Variants in IGF2BP2 observed in about 807,000 individuals in gnomAD.
IGF2BP2 encodes insulin-like growth factor 2 mRNA-binding protein 2.
IGF2BP2 carries 17 observed loss-of-function variants against 75.8 expected under a neutral mutation model. The observed-to-expected ratio is 0.22, with a 90% CI of 0.15 to 0.34. The LOEUF (loss-of-function observed/expected upper bound fraction) is 0.34. IGF2BP2 is among the 10% of genes least tolerant of loss of function. The pLI, the probability that IGF2BP2 is intolerant of heterozygous loss-of-function variation, is 1.00. For synonymous variants in IGF2BP2, 288 were observed against 295.6 expected (o/e 0.97, Z 0.26); for missense variants, 516 against 772.4 (o/e 0.67, Z 3.93).
At chr3:185,655,470 T>G (rs1715281609) in intron 12 of IGF2BP2, among the ~76,000 whole-genome samples, 1 of 152,184 alleles carries the variant, frequency 6.6e-6, no homozygotes, top group Non-Finnish European at 1.5e-5. Flanking sequence ...TCACAAATAT[T>G]TGGCCTCCCT....
intron 2 of IGF2BP2, among the ~76,000 whole-genome samples, chr3:185,763,345 T>C (rs1732631304): frequency 6.6e-6 from 1 of 152,240 alleles, no homozygotes; most frequent in Admixed American, 6.5e-5. Context: ...CCTACCTTAG[T>C]AGGTCCCTGG....
At chr3:185,811,488 A>T (rs145004431) in intron 2 of IGF2BP2, among the ~76,000 whole-genome samples, 6 of 152,234 alleles carry the variant, frequency 3.9e-5, no homozygotes, top group Non-Finnish European at 7.3e-5. Flanking sequence ...TTCAGTGTCC[A>T]TAAAAAATTT....
intron 2 of IGF2BP2, among the ~76,000 whole-genome samples, chr3:185,701,573 A>G (rs1316540782): frequency 1.3e-5 from 2 of 152,202 alleles, no homozygotes; most frequent in African/African-American, 2.4e-5. Flanking sequence ...ACTCCGCCCA[A>G]TGCTGATTAC....
chr3:185,757,924 A>G (rs566552547), intron 2 of IGF2BP2, among the ~76,000 whole-genome samples: 25 of 152,234 alleles, frequency 1.6e-4, no homozygotes, highest in Non-Finnish European at 3.5e-4. Flanking sequence ...GACAACAGCT[A>G]TTTATATAGC....
intron 13 of IGF2BP2, 21 bp from the exon 14 acceptor site, chr3:185,649,555 T>C: frequency 6.2e-7 from 1 of 1,613,672 alleles, no homozygotes; most frequent in African/African-American, 1.3e-5. Context: ...AAGACATGAC[T>C]AATGACTCTC....
intron 10 of IGF2BP2, among the ~76,000 whole-genome samples, chr3:185,659,577 T>C (rs1473219073): frequency 6.6e-6 from 1 of 151,964 alleles, no homozygotes; most frequent in Non-Finnish European, 1.5e-5. Context: ...GGTTTCACCA[T>C]GTTGGCCAGG....
At chr3:185,666,759 T>G (rs1717703115) in intron 10 of IGF2BP2, among the ~76,000 whole-genome samples, 1 of 152,066 alleles carries the variant, frequency 6.6e-6, no homozygotes, top group African/African-American at 2.4e-5. Flanking sequence ...AAAGAAAAAT[T>G]AAGTGGAAAA....
At chr3:185,716,612 C>G in intron 2 of IGF2BP2, 2 of 519,934 alleles carry the variant, frequency 3.8e-6, no homozygotes, top group Non-Finnish European at 7.7e-6. Context: ...TACTTTTCTT[C>G]GGGGGCAGGT....
rs997130552 is a variant in IGF2BP2 at position 185,696,682 on chromosome 3, A to G, written c.289-19T>C. On this transcript the variant is annotated intron_variant, in intron 3 of 15. Coordinates refer to ENST00000382199, the MANE Select transcript of IGF2BP2 (RefSeq NM_006548.6). ...CCAACACCTAAAAGAGAAAGCTTCC[A>G]TGTCAGAATGGGAAGGCAAGATCAT... The G allele has an allele frequency of 6.2e-7, 1 of 1,610,432 alleles. No individual in the cohort carries two copies. Among genetic ancestry groups the G allele is most frequent in the Non-Finnish European group, 8.5e-7 (1 of 1,176,750 alleles).
chr3:185,779,692 G>A (rs1734959194), intron 2 of IGF2BP2, among the ~76,000 whole-genome samples: 2 of 152,072 alleles, frequency 1.3e-5, no homozygotes, highest in African/African-American at 2.4e-5. Context: ...CAGGTAATGA[G>A]TCTGCACGCT....
In IGF2BP2 at chr3:185,807,642, C is replaced by A. The variant is rs1410309496; in HGVS notation, c.239+15511G>T. On this transcript the variant is annotated intron_variant, in intron 2 of 15. Transcript: ENST00000382199. ...TTCAACTTATTGAGTAATCCTTTCC[C>A]ATAGAGTATGGGCTGGACTTCATGT... Among the ~76,000 whole-genome samples, 3 of 152,206 alleles carry A rather than the reference C, an allele frequency of 2.0e-5. No individual in the cohort carries two copies. In the East Asian group the frequency reaches 5.8e-4, roughly 29 times the overall value.
At chr3:185,805,280 T>A (rs1211070227) in intron 2 of IGF2BP2, among the ~76,000 whole-genome samples, 6 of 152,062 alleles carry the variant, frequency 3.9e-5, no homozygotes, top group African/African-American at 1.4e-4. Context: ...CAGAGGAGTG[T>A]GGTGCTAACT....
intron 2 of IGF2BP2, among the ~76,000 whole-genome samples, chr3:185,762,292 CCAAGA>C (rs1028553431): frequency 6.7e-6 from 1 of 150,072 alleles, no homozygotes; most frequent in Non-Finnish European, 1.5e-5. Flanking sequence ...CTTCCGGAGG[CCAAGA>C]CAAGTGGATC....
Position 185,647,024 on chromosome 3 carries a change from C to A in IGF2BP2, c.1707+1G>T. ...GAGACAGGGCCCTCACAGCACAGTA[C>A]CTGGCTAGCAAAGAAGTGCCCGATA... On this transcript the variant is annotated splice_donor_variant, in intron 15 of 15. Coordinates refer to ENST00000382199, the MANE Select transcript of IGF2BP2 (RefSeq NM_006548.6). LOFTEE classifies it high-confidence loss of function. This position sits in a 1 kb window ranked among gnomAD's most constrained non-coding sequence, Gnocchi z 4.9. 1 of 1,609,310 alleles carries A rather than the reference C, an allele frequency of 6.2e-7. No homozygotes were observed. The highest frequency in any genetic ancestry group is 8.5e-7 in the Non-Finnish European group (1 of 1,175,690).
intron 2 of IGF2BP2, among the ~76,000 whole-genome samples, chr3:185,781,849 A>G (rs572272023): frequency 3.9e-5 from 6 of 152,120 alleles, no homozygotes; most frequent in Admixed American, 6.6e-5. Flanking sequence ...AAATGGGGTT[A>G]GTGGGTTTGA....
chr3:185,689,967 C>CAAAAAAAAAAAAAAAAAA (rs5855070), intron 5 of IGF2BP2, among the ~76,000 whole-genome samples: 1 of 118,218 alleles, frequency 8.5e-6, no homozygotes, highest in African/African-American at 3.2e-5. Flanking sequence ...GACTCCGTCT[C>CAAAAAAAAAAAAAAAAAA]AAAAAAAAAA....
At chr3:185,720,153 A>G (rs1187138633) in intron 2 of IGF2BP2, among the ~76,000 whole-genome samples, 2 of 152,198 alleles carry the variant, frequency 1.3e-5, no homozygotes, top group African/African-American at 4.8e-5. Flanking sequence ...AGGAGTCTTC[A>G]GTCTCTGGCC....
chr3:185,738,562 C>A (rs1220499403), intron 2 of IGF2BP2, among the ~76,000 whole-genome samples: 1 of 152,146 alleles, frequency 6.6e-6, no homozygotes, highest in East Asian at 1.9e-4. Context: ...GGCAGAGGAA[C>A]CAGTTGTTGG....
intron 2 of IGF2BP2, among the ~76,000 whole-genome samples, chr3:185,769,639 A>G (rs114482534): frequency 0.033 from 5,008 of 151,820 alleles, 126 homozygotes; most frequent in South Asian, 0.054. Flanking sequence ...GGAGTTCAAG[A>G]CCATCCTGGG....
Sources: gnomAD v4.1 joint callset for allele counts (sites outside exome capture counted in the v4.1 genomes callset) on GRCh38, gnomAD v4.1.1 for gene constraint, Gnocchi (gnomAD v3.1) non-coding constraint, MANE v1.5 for transcripts, NCBI Gene and HGNC (gene_info 2026-07-23, HGNC 2026-07-21) for gene names.